The following MAP3K5 variants were observed in gnomAD, a reference collection of about 807,000 sequenced individuals.
The protein encoded by MAP3K5 is mitogen-activated protein kinase kinase kinase 5.
Under a neutral mutation model 158.7 loss-of-function variants are expected in MAP3K5, and 56 were observed. The observed-to-expected ratio is 0.35, with a 90% confidence interval of 0.28 to 0.44. The LOEUF is 0.44. Among genes scored for constraint, MAP3K5 ranks in the 20% least tolerant of loss-of-function variants. The pLI, the probability that MAP3K5 is intolerant of heterozygous loss-of-function variation, is 1.00. For synonymous variants in MAP3K5, 579 were observed against 601.7 expected, an observed-to-expected ratio of 0.96 and a Z score of 0.55; for missense variants, 1,294 against 1,674.8, an observed-to-expected ratio of 0.77 and a Z score of 3.97.
chr6:136,737,037 G>GTATA lies in MAP3K5; in HGVS notation c.449-16452_449-16449dup, dbSNP rs56011325. ...TAATTTTACATATATATATGTGTGT[G>GTATA]TATATATATATATATATATAAACTT... On this transcript the variant is annotated intron_variant, in intron 1 of 29. Coordinates refer to ENST00000359015, the MANE Select transcript of MAP3K5 (RefSeq NM_005923.4). Among the ~76,000 whole-genome samples the GTATA allele has an allele frequency of 9.3e-3, 1,177 of 126,978 alleles. 36 individuals are homozygous for GTATA. Among genetic ancestry groups the GTATA allele is most frequent in the African/African-American group, 0.039 (1,033 of 26,456 alleles). The allele number at this position is 126,978 out of a possible 152,430, so 83.3% of individuals were successfully genotyped here.
chr6:136,745,689 C>T lies in MAP3K5; in HGVS notation c.449-25100G>A, dbSNP rs538371416. The stretch of plus-strand genomic sequence containing the variant: ...TTTCTGCAGGCATTCTGCATGTTTC[C>T]GCTGCTTGTTTGTTCAAAGCCTTCC... On this transcript the variant is annotated intron_variant, in intron 1 of 29. Transcript: ENST00000359015. Among the ~76,000 whole-genome samples the T allele has an allele frequency of 5.9e-5, 9 of 152,212 alleles. No individual in the cohort carries two copies. The East Asian group carries it at 1.2e-3, about 20-fold the overall frequency.
intron 23 of MAP3K5, among the ~76,000 whole-genome samples, chr6:136,591,825 C>A (rs1385710617): frequency 6.6e-6 from 1 of 152,146 alleles, no homozygotes; most frequent in East Asian, 1.9e-4. Flanking sequence ...TCAGAATTAG[C>A]AACTCACATG....
intron 1 of MAP3K5, among the ~76,000 whole-genome samples, chr6:136,745,639 T>G (rs1473336298): frequency 6.6e-6 from 1 of 152,200 alleles, no homozygotes; most frequent in Non-Finnish European, 1.5e-5. Flanking sequence ...ATAAAATTCC[T>G]TGTGCCGCTG....
chr6:136,733,874 A>G (rs758103170), intron 1 of MAP3K5, among the ~76,000 whole-genome samples: 24 of 152,186 alleles, frequency 1.6e-4, no homozygotes, highest in Admixed American at 4.6e-4. Context: ...AGATAAATTT[A>G]TCATGATATG....
chr6:136,748,704 C>T (rs1783065943), intron 1 of MAP3K5, among the ~76,000 whole-genome samples: 1 of 152,166 alleles, frequency 6.6e-6, no homozygotes, highest in Non-Finnish European at 1.5e-5. Flanking sequence ...AGAATTAAAA[C>T]TTGAAGGCAA....
In MAP3K5 at chr6:136,583,602, G is replaced by A; in HGVS notation, c.3364C>T (p.His1122Tyr). 12 of 1,614,206 alleles carry A rather than the reference G, an allele frequency of 7.4e-6. No homozygotes were observed. Among genetic ancestry groups the A allele is most frequent in the Non-Finnish European group, 1.0e-5 (12 of 1,180,030 alleles). Residue 1122 changes from histidine (H) to tyrosine (Y), a missense_variant, in exon 24 of 30, where the codon CAT becomes TAT. This residue lies in a region of MAP3K5 where 362 missense variants were observed against 463.2 expected (regional missense o/e 0.78). Coordinates refer to ENST00000359015, the MANE Select transcript of MAP3K5 (RefSeq NM_005923.4). Reference protein sequence around the residue: ...KLKLELDFDSHGISQVQVVLF... With the variant: ...KLKLELDFDSYGISQVQVVLF... The stretch of plus-strand genomic sequence containing the variant: ...ACCACCTGGACTTGGCTAATGCCAT[G>A]GCTGTCGAAGTCCAGCTCCAGTTTC...
rs1345658208 is a variant in MAP3K5, at chr6:136,611,295, A to G, written c.2508T>C (p.Thr836=). The change falls in exon 18 of 30, where the codon ACT becomes ACC. Residue 836 remains threonine (T), a synonymous_variant. Coordinates refer to ENST00000359015, the MANE Select transcript of MAP3K5 (RefSeq NM_005923.4). ...SKRLAGINPC[T]ETFTGTLQYM... is the part of the protein sequence containing the mutation. ...GCAAAAACATACCAGTAAAAGTTTC[A>G]GTACAGGGGTTTATGCCAGCAAGCC... The G allele has an allele frequency of 1.2e-6, 2 of 1,609,002 alleles. No individual in the cohort carries two copies. Among genetic ancestry groups the G allele is most frequent in the Admixed American group, 1.7e-5 (1 of 59,932 alleles).
intron 2 of MAP3K5, among the ~76,000 whole-genome samples, chr6:136,711,673 A>G (rs1781315336): frequency 5.4e-5 from 2 of 37,082 alleles, no homozygotes; most frequent in East Asian, 1.4e-3. Context: ...CAAAAAAAAA[A>G]AGAAAGAAAG....
intron 1 of MAP3K5, among the ~76,000 whole-genome samples, chr6:136,748,104 G>A (rs888548876): frequency 6.6e-5 from 10 of 152,160 alleles, no homozygotes; most frequent in African/African-American, 2.2e-4. Flanking sequence ...TATTCCTTGA[G>A]TCATCTGTAG....
intron 29 of MAP3K5, 45 bp downstream of exon 29, chr6:136,558,755 T>C: frequency 8.1e-7 from 1 of 1,233,898 alleles, no homozygotes; most frequent in Non-Finnish European, 1.2e-6. Context: ...TTTTGATATT[T>C]GCCTGGTGCT....
intron 24 of MAP3K5, among the ~76,000 whole-genome samples, chr6:136,582,810 T>C (rs1210619553): frequency 6.6e-6 from 1 of 152,220 alleles, no homozygotes; most frequent in Non-Finnish European, 1.5e-5. Context: ...TATTTCAGTC[T>C]CCCACATCTT....
At chr6:136,786,379 CAAAAA>C (rs11398691) in intron 1 of MAP3K5, among the ~76,000 whole-genome samples, 1 of 81,000 alleles carries the variant, frequency 1.2e-5, no homozygotes, top group East Asian at 3.4e-4. Context: ...AACTCCATCT[CAAAAA>C]AAAAAAAAAA....
At chr6:136,733,764 A>AT (rs1169071563) in intron 1 of MAP3K5, among the ~76,000 whole-genome samples, 1 of 138,950 alleles carries the variant, frequency 7.2e-6, no homozygotes, top group Non-Finnish European at 1.5e-5. Context: ...AGAGTGGTAC[A>AT]TTTTTTACAA....
intron 1 of MAP3K5, among the ~76,000 whole-genome samples, chr6:136,747,732 G>A (rs577126166): frequency 5.3e-5 from 8 of 152,318 alleles, no homozygotes; most frequent in East Asian, 1.9e-4. Context: ...TGATTGAGCT[G>A]TGTGACATTG....
chr6:136,558,664 C>T, intron 29 of MAP3K5, 136 bp downstream of exon 29: 1 of 541,574 alleles, frequency 1.8e-6, no homozygotes, highest in Non-Finnish European at 3.3e-6. Context: ...ACTCAGTTTA[C>T]TCAGAGCAGC....
intron 19 of MAP3K5, among the ~76,000 whole-genome samples, chr6:136,603,032 C>T (rs1262605848): frequency 6.6e-6 from 1 of 152,016 alleles, no homozygotes; most frequent in Admixed American, 6.6e-5. Flanking sequence ...TGTTCTTATA[C>T]AGCTTATGTA....
chr6:136,752,168 G>A (rs1783239878), intron 1 of MAP3K5, among the ~76,000 whole-genome samples: 1 of 152,126 alleles, frequency 6.6e-6, no homozygotes, highest in African/African-American at 2.4e-5. Flanking sequence ...CCCTGTCCCA[G>A]GCAAGGTTCT....
At position 136,766,584 on chromosome 6, in the gene MAP3K5, G is replaced by A. The variant is rs143506501; in HGVS notation, c.448+25126C>T. Among the ~76,000 whole-genome samples the A allele has an allele frequency of 7.9e-3, 1,207 of 152,312 alleles. 7 individuals are homozygous for A. The highest frequency in any genetic ancestry group is 0.02 in the Middle Eastern group (6 of 294). On this transcript the variant is annotated intron_variant, in intron 1 of 29. Coordinates refer to ENST00000359015, the MANE Select transcript of MAP3K5 (RefSeq NM_005923.4). The stretch of plus-strand genomic sequence containing the variant: ...AACAAAACTGAACAAGTCAGAATTT[G>A]CGGTTGGGAACAGAGGTCATTAAAG...
At position 136,656,914 on chromosome 6, in the gene MAP3K5, G is replaced by A. The variant is rs116777603; in HGVS notation, c.1527-454C>T. On this transcript the variant is annotated intron_variant, in intron 9 of 29. Transcript: ENST00000359015. ...TGGGATTGCAGGTGTGAGCCACCAC[G>A]CCCAGCCGTGCTTTCACACATTATC... Among the ~76,000 whole-genome samples, 525 of 152,284 alleles carry A rather than the reference G, an allele frequency of 3.4e-3. 6 individuals are homozygous for A. The highest frequency in any genetic ancestry group is 0.012 in the African/African-American group (498 of 41,540).
Sources: allele counts gnomAD v4.1 joint callset (sites outside exome capture counted in the v4.1 genomes callset), GRCh38; gene constraint gnomAD v4.1.1; regional missense constraint gnomAD v4.1.1; transcripts MANE v1.5; gene names NCBI Gene and HGNC (gene_info 2026-07-23, HGNC 2026-07-21).